EDIL3: variants seen among roughly 807,000 people sequenced by gnomAD.
EDIL3 encodes EGF-like repeat and discoidin I-like domain-containing protein 3.
Under a neutral mutation model 67.4 loss-of-function variants are expected in EDIL3, and 37 were observed. The ratio of observed to expected loss-of-function variants is 0.55; its 90% CI spans 0.42 to 0.72. The LOEUF (loss-of-function observed/expected upper bound fraction) is 0.72. Ranked by LOEUF, EDIL3 falls within the 30% of genes least tolerant of loss-of-function variation. The pLI is 0.00. For missense variants in EDIL3, 527 were observed against 586.3 expected (o/e 0.90, Z 1.04); for synonymous variants, 195 against 196.3 (o/e 0.99, Z 0.05).
At chr5:83,987,054 G>A (rs1745068396) in intron 9 of EDIL3, among the ~76,000 whole-genome samples, 1 of 152,104 alleles carries the variant, frequency 6.6e-6, no homozygotes, top group South Asian at 2.1e-4. Flanking sequence ...AGGTAATTAG[G>A]TTTTCACCAT....
At chr5:84,186,293 A>T (rs1452464201) in intron 3 of EDIL3, among the ~76,000 whole-genome samples, 1 of 152,128 alleles carries the variant, frequency 6.6e-6, no homozygotes, top group African/African-American at 2.4e-5. Context: ...AGGATAAGAA[A>T]GAAATGGACA....
chr5:84,248,394 C>T (rs1580397328), intron 2 of EDIL3, among the ~76,000 whole-genome samples: 1 of 152,308 alleles, frequency 6.6e-6, no homozygotes, highest in East Asian at 1.9e-4. Context: ...ACTACTCTGC[C>T]TCTCTGGCTC....
intron 2 of EDIL3, among the ~76,000 whole-genome samples, chr5:84,251,198 T>C (rs1201052021): frequency 6.6e-6 from 1 of 152,122 alleles, no homozygotes; most frequent in Non-Finnish European, 1.5e-5. Flanking sequence ...TTGCAACCTC[T>C]GCCTCCTGGG....
At chr5:84,284,918 C>G (rs771157392) in intron 1 of EDIL3, among the ~76,000 whole-genome samples, 1 of 152,070 alleles carries the variant, frequency 6.6e-6, no homozygotes, top group African/African-American at 2.4e-5. Flanking sequence ...TGGGGAAAAT[C>G]TATAAAAACT....
chr5:84,336,057 A>G (rs957885969), intron 1 of EDIL3, among the ~76,000 whole-genome samples: 8 of 152,276 alleles, frequency 5.3e-5, no homozygotes, highest in African/African-American at 1.9e-4. Flanking sequence ...TATATGTCCC[A>G]CCTCTTAATA....
At chr5:84,263,232 C>T (rs1477352212) in intron 1 of EDIL3, among the ~76,000 whole-genome samples, 2 of 152,136 alleles carry the variant, frequency 1.3e-5, no homozygotes, top group East Asian at 1.9e-4. Flanking sequence ...AAGAAGCCTT[C>T]TGAGAGCAAG....
intron 3 of EDIL3, among the ~76,000 whole-genome samples, chr5:84,219,832 A>G (rs1179477790): frequency 6.6e-6 from 1 of 152,160 alleles, no homozygotes; most frequent in African/African-American, 2.4e-5. Context: ...GGAGCTGGAG[A>G]TCATTATGTT....
chr5:84,028,903 T>C (rs1004859219), intron 9 of EDIL3, among the ~76,000 whole-genome samples: 4 of 152,056 alleles, frequency 2.6e-5, no homozygotes, highest in African/African-American at 2.4e-5. Flanking sequence ...TGGGAGGTAA[T>C]TGAATCATGG....
At chr5:84,263,703 T>C (rs1167692159) in intron 1 of EDIL3, among the ~76,000 whole-genome samples, 1 of 152,188 alleles carries the variant, frequency 6.6e-6, no homozygotes, top group Non-Finnish European at 1.5e-5. Flanking sequence ...CAAATACCTA[T>C]AGAAATCTAG....
chr5:84,075,713 G>T (rs185838745), intron 6 of EDIL3, among the ~76,000 whole-genome samples: 2 of 152,162 alleles, frequency 1.3e-5, no homozygotes, highest in African/African-American at 4.8e-5. Context: ...AACCTCAGGT[G>T]ATCTGCCCGT....
chr5:84,322,686 T>C (rs1007925802), intron 1 of EDIL3, among the ~76,000 whole-genome samples: 7 of 152,002 alleles, frequency 4.6e-5, no homozygotes, highest in African/African-American at 7.2e-5. Flanking sequence ...TCAAATTTGA[T>C]AACAGACATA....
intron 1 of EDIL3, among the ~76,000 whole-genome samples, chr5:84,332,736 GA>G (rs1746899498): frequency 6.6e-6 from 1 of 152,112 alleles, no homozygotes; most frequent in South Asian, 2.1e-4. Context: ...TTCTGGCTGT[GA>G]ATTAGCAAAT....
chr5:84,143,971 G>C (rs1323067212), intron 4 of EDIL3, among the ~76,000 whole-genome samples: 1 of 152,004 alleles, frequency 6.6e-6, no homozygotes, highest in Non-Finnish European at 1.5e-5. Flanking sequence ...CTTGGGGCAG[G>C]TGCTCCAGCC....
chr5:84,070,553 A>C (rs1467964407), intron 6 of EDIL3, among the ~76,000 whole-genome samples: 1 of 152,022 alleles, frequency 6.6e-6, no homozygotes, highest in East Asian at 1.9e-4. Flanking sequence ...TAATTTTGCA[A>C]ACAACTTTCA....
At chr5:84,282,033 A>ATT (rs36059820) in intron 1 of EDIL3, among the ~76,000 whole-genome samples, 5 of 141,994 alleles carry the variant, frequency 3.5e-5, no homozygotes, top group East Asian at 4.1e-4. Flanking sequence ...CACCCAGCTA[A>ATT]TTTTTTTTTT....
chr5:84,356,924 T>G (rs2112196541), intron 1 of EDIL3, among the ~76,000 whole-genome samples: 2 of 118,052 alleles, frequency 1.7e-5, no homozygotes, highest in Middle Eastern at 8.6e-3. Context: ...TTGGTCTCTC[T>G]CTCTCTCTCT....
At chr5:84,246,001 A>G (rs1744903518) in intron 2 of EDIL3, among the ~76,000 whole-genome samples, 1 of 152,162 alleles carries the variant, frequency 6.6e-6, no homozygotes, top group Non-Finnish European at 1.5e-5. Context: ...GCTTTTGCTA[A>G]AGCCAATGTG....
At position 84,002,437 on chromosome 5, in the gene EDIL3, G is replaced by A. The variant is rs564098864; in HGVS notation, c.1138-39077C>T. 5.3e-5 allele frequency among the ~76,000 whole-genome samples: 8 copies of A among 152,296 alleles called. No individual in the cohort carries two copies. In the East Asian group the frequency reaches 1.5e-3, roughly 29 times the overall value. On this transcript the variant is annotated intron_variant, in intron 9 of 10. Coordinates refer to ENST00000296591, the MANE Select transcript of EDIL3 (RefSeq NM_005711.5). Reference sequence around the variant, plus strand: ...AACACAGTACTAGCAGTCCTAGCTAGAGAAGCTAGCCAAAACAAAGAAATA... The same window carrying A: ...AACACAGTACTAGCAGTCCTAGCTAAAGAAGCTAGCCAAAACAAAGAAATA...
chr5:84,196,629 T>C (rs888996517), intron 3 of EDIL3, among the ~76,000 whole-genome samples: 3 of 152,030 alleles, frequency 2.0e-5, no homozygotes, highest in Admixed American at 6.6e-5. Flanking sequence ...ATATCTCAAG[T>C]GCCTGGTAAT....
Sources: allele counts gnomAD v4.1 joint callset (sites outside exome capture counted in the v4.1 genomes callset), GRCh38; gene constraint gnomAD v4.1.1; transcripts MANE v1.5; gene names NCBI Gene and HGNC (gene_info 2026-07-23, HGNC 2026-07-21).